SDK1: variants seen among roughly 807,000 people sequenced by gnomAD.
SDK1 encodes the protein protein sidekick-1.
A neutral mutation model predicts 245.5 loss-of-function variants in SDK1; 157 were observed. That is an observed-to-expected ratio of 0.64 (90% CI 0.56 to 0.73). SDK1 has a LOEUF of 0.73. Ranked by LOEUF, SDK1 falls within the 30% of genes least tolerant of loss-of-function variation. The probability of loss-of-function intolerance (pLI) is 0.00; values close to 1 mark genes in which losing one functional copy is unlikely to be tolerated. For synonymous variants in SDK1, 1,647 were observed against 1,278.5 expected, an observed-to-expected ratio of 1.29 and a Z score of -6.15; for missense variants, 3,583 against 3,002.3, an observed-to-expected ratio of 1.19 and a Z score of -4.52.
intron 4 of SDK1, among the ~76,000 whole-genome samples, chr7:3,746,239 C>G (rs968038626): frequency 1.5e-4 from 23 of 152,102 alleles, no homozygotes; most frequent in Non-Finnish European, 3.1e-4. Flanking sequence ...ATTTACATAC[C>G]TTAATTCAAA....
chr7:3,465,625 C>A (rs1242258257), intron 1 of SDK1, among the ~76,000 whole-genome samples: 3 of 152,116 alleles, frequency 2.0e-5, no homozygotes, highest in Non-Finnish European at 4.4e-5. Context: ...ACACACGCAT[C>A]CTGATTCACC....
chr7:3,764,435 C>T (rs1300530495), intron 4 of SDK1, among the ~76,000 whole-genome samples: 1 of 152,134 alleles, frequency 6.6e-6, no homozygotes, highest in African/African-American at 2.4e-5. Flanking sequence ...CCTGTAATCC[C>T]AACACTTTGG....
chr7:3,788,700 A>T (rs1780986779), intron 4 of SDK1, among the ~76,000 whole-genome samples: 1 of 152,178 alleles, frequency 6.6e-6, no homozygotes, highest in Non-Finnish European at 1.5e-5. Flanking sequence ...AAGTAAGTTT[A>T]TGAATTTGTG....
At chr7:3,430,104 T>C (rs1483121707) in intron 1 of SDK1, among the ~76,000 whole-genome samples, 2 of 152,320 alleles carry the variant, frequency 1.3e-5, no homozygotes, top group East Asian at 3.9e-4. Context: ...GCACAGTCAA[T>C]GACTAGGAGG....
At chr7:3,650,320 C>T (rs781222286) in intron 4 of SDK1, among the ~76,000 whole-genome samples, 7 of 152,042 alleles carry the variant, frequency 4.6e-5, no homozygotes, top group Admixed American at 1.3e-4. Flanking sequence ...ATCTTTTCAT[C>T]TTGTGAAACT....
intron 1 of SDK1, among the ~76,000 whole-genome samples, chr7:3,595,230 C>A (rs1297383058): frequency 2.0e-5 from 3 of 151,718 alleles, no homozygotes; most frequent in African/African-American, 7.3e-5. Flanking sequence ...TGATATTTTG[C>A]TTGTAATTAT....
At chr7:3,378,326 A>G (rs574107092) in intron 1 of SDK1, among the ~76,000 whole-genome samples, 3 of 152,272 alleles carry the variant, frequency 2.0e-5, no homozygotes, top group Admixed American at 2.0e-4. Context: ...CTTTAATTCT[A>G]CTTAAAAACA....
intron 1 of SDK1, among the ~76,000 whole-genome samples, chr7:3,505,457 C>G (rs771271003): frequency 6.6e-6 from 1 of 152,162 alleles, no homozygotes; most frequent in Admixed American, 6.6e-5. Flanking sequence ...CACTCTGTTG[C>G]TTCAGCTGGT....
intron 5 of SDK1, among the ~76,000 whole-genome samples, chr7:3,869,457 G>A (rs1398842481): frequency 6.6e-6 from 1 of 152,010 alleles, no homozygotes; most frequent in African/African-American, 2.4e-5. Flanking sequence ...CGCCTGGCCT[G>A]TATTTTTCAT....
chr7:4,079,361 A>T (rs7789115), intron 21 of SDK1, 102 bp from the exon 22 acceptor site: 1 of 1,377,160 alleles, frequency 7.3e-7, no homozygotes. Context: ...TTGGTATAGA[A>T]TCGTTTTGAA....
At chr7:3,828,040 G>A (rs1181512469) in intron 5 of SDK1, among the ~76,000 whole-genome samples, 2 of 152,164 alleles carry the variant, frequency 1.3e-5, no homozygotes, top group African/African-American at 2.4e-5. Context: ...CACTTTGGGA[G>A]GCCAAGGTGG....
intron 1 of SDK1, among the ~76,000 whole-genome samples, chr7:3,591,174 C>T (rs763580980): frequency 6.6e-6 from 1 of 152,186 alleles, no homozygotes. Flanking sequence ...AACCTGTAGG[C>T]AGTTCAAGGT....
chr7:3,939,810 A>C (rs1780290008), intron 5 of SDK1, among the ~76,000 whole-genome samples: 1 of 152,244 alleles, frequency 6.6e-6, no homozygotes, highest in Admixed American at 6.5e-5. Context: ...ATGCTTTTGC[A>C]GACAGGAAAG....
intron 1 of SDK1, among the ~76,000 whole-genome samples, chr7:3,549,132 T>C (rs1583153623): frequency 6.6e-6 from 1 of 152,358 alleles, no homozygotes; most frequent in Non-Finnish European, 1.5e-5. Context: ...AAAAATGAGC[T>C]GTGTGAAGGC....
chr7:3,729,796 T>C (rs1368862622), intron 4 of SDK1, among the ~76,000 whole-genome samples: 2 of 152,096 alleles, frequency 1.3e-5, no homozygotes, highest in Non-Finnish European at 2.9e-5. Flanking sequence ...TTTAGTCTTA[T>C]AATTTTTGAG....
intron 5 of SDK1, among the ~76,000 whole-genome samples, chr7:3,942,216 T>G (rs537138999): frequency 6.6e-6 from 1 of 152,330 alleles, no homozygotes; most frequent in South Asian, 2.1e-4. Context: ...AAGACTTCAG[T>G]CTTCTCTCAG....
intron 1 of SDK1, among the ~76,000 whole-genome samples, chr7:3,491,805 T>C (rs1447352611): frequency 6.6e-6 from 1 of 152,274 alleles, no homozygotes; most frequent in Non-Finnish European, 1.5e-5. Flanking sequence ...TTTTCTCATA[T>C]GCCAACGATT....
chr7:3,398,603 A>G (rs902237845), intron 1 of SDK1, among the ~76,000 whole-genome samples: 5 of 151,958 alleles, frequency 3.3e-5, no homozygotes, highest in African/African-American at 1.2e-4. Flanking sequence ...TGGCATGCTT[A>G]CTTTTCCCCT....
At chr7:3,627,013 G>A (rs999648192) in intron 2 of SDK1, among the ~76,000 whole-genome samples, 16 of 151,680 alleles carry the variant, frequency 1.1e-4, no homozygotes, top group African/African-American at 3.6e-4. Flanking sequence ...TTGCAGCCTC[G>A]ACCTCCCGGG....
Sources: gnomAD v4.1 joint callset for allele counts (sites outside exome capture counted in the v4.1 genomes callset) on GRCh38, gnomAD v4.1.1 for gene constraint, MANE v1.5 for transcripts, NCBI Gene and HGNC (gene_info 2026-07-23, HGNC 2026-07-21) for gene names.